The following ZER1 variants were observed in gnomAD, a reference collection of about 807,000 sequenced individuals.
The protein encoded by ZER1 is protein zer-1 homolog.
In ZER1, 11 loss-of-function variants were observed where a neutral mutation model predicts 78.8. The ratio of observed to expected loss-of-function variants is 0.14; its 90% CI spans 0.09 to 0.23. The LOEUF (loss-of-function observed/expected upper bound fraction) is 0.23, where lower values mean the gene tolerates loss of function less well. Ranked by LOEUF, ZER1 falls within the 10% of genes least tolerant of loss-of-function variation. The probability of loss-of-function intolerance (pLI) is 1.00; values close to 1 mark genes in which losing one functional copy is unlikely to be tolerated. For synonymous variants in ZER1, 400 were observed against 407.0 expected (o/e 0.98, Z 0.21); for missense variants, 588 against 996.9 (o/e 0.59, Z 5.52).
rs1158076549 is a variant in ZER1, at chr9:128,751,110, C to T, written c.1185+12G>A. On this transcript the variant is annotated intron_variant, in intron 7 of 15. Transcript: ENST00000291900. This position sits in a 1 kb window ranked among gnomAD's most constrained non-coding sequence, Gnocchi z 5.4. ...AGGGACAGGAGGCCAAGGCCCCAGG[C>T]TTGGAGCTGACCTTCAGGGCCCGCA... 19 of 1,579,812 alleles carry T rather than the reference C, an allele frequency of 1.2e-5. No homozygotes were observed. The highest frequency in any genetic ancestry group is 1.6e-5 in the Non-Finnish European group (19 of 1,158,386).
In ZER1 at chr9:128,732,375, AT is replaced by A. The variant is rs1482881927; in HGVS notation, c.2244-982del. ...GTGGGCCCCGTCCATTTATTTTTAA[AT>A]TTTATTTTTTTGAGACAGAGTCTCG... On this transcript the variant is annotated intron_variant, in intron 15 of 15. Coordinates refer to ENST00000291900, the MANE Select transcript of ZER1 (RefSeq NM_006336.4). The surrounding 1 kb of genome is among the most constrained non-coding windows in gnomAD (Gnocchi z 4.8). Among the ~76,000 whole-genome samples the A allele has an allele frequency of 3.9e-5, 6 of 152,196 alleles. No homozygotes were observed. The highest frequency in any genetic ancestry group is 2.1e-4 in the South Asian group (1 of 4,826).
chr9:128,733,192 A>G (rs1270509233), intron 15 of ZER1: 2 of 478,922 alleles, frequency 4.2e-6, no homozygotes, highest in Non-Finnish European at 7.6e-6. Flanking sequence ...CTAAGCTTAC[A>G]AACGAGGGCC....
In ZER1 at chr9:128,740,950, G is replaced by A. The variant is rs1863270174; in HGVS notation, c.1738-63C>T. ...ACTTAATGACTTAGTATCTGGTATT[G>A]TTAACCAAAAAGCTTCATGGGCATC... is the stretch of plus-strand genomic sequence containing the variant. On this transcript the variant is annotated intron_variant, in intron 11 of 15. Coordinates refer to ENST00000291900, the MANE Select transcript of ZER1 (RefSeq NM_006336.4). This position sits in a 1 kb window ranked among gnomAD's most constrained non-coding sequence, Gnocchi z 4.4. The A allele has an allele frequency of 1.3e-6, 1 of 757,850 alleles. No homozygotes were observed. The highest frequency in any genetic ancestry group is 1.4e-5 in the South Asian group (1 of 72,792). The allele number at this position is 757,850 out of a possible 1,614,324, so 46.9% of individuals were successfully genotyped here.
Position 128,751,057 on chromosome 9 carries a change from A to G in ZER1, c.1185+65T>C. The stretch of plus-strand genomic sequence containing the variant: ...GACACAGGCTCTGGGGACACGGCTC[A>G]GCCAAGCCCGGCAACCTCCAGGTGG... On this transcript the variant is annotated intron_variant, in intron 7 of 15. Transcript: ENST00000291900. The surrounding 1 kb of genome is among the most constrained non-coding windows in gnomAD (Gnocchi z 5.4). 6.6e-7 allele frequency: 1 copy of G among 1,526,100 alleles called. No homozygotes were observed. Among genetic ancestry groups the G allele is most frequent in the Non-Finnish European group, 8.8e-7 (1 of 1,135,556 alleles). 94.5% of individuals were successfully genotyped at this position (1,526,100 alleles called of 1,614,324 possible).
Position 128,755,812 on chromosome 9 carries a change from C to A in ZER1, c.-94-153G>T, listed in dbSNP as rs932760848. Reference sequence around the variant, plus strand: ...AGGTCTCCTGACTCCTTCTTTCACCCGCCTCTGCTGTGCCACTATCTATGC... The same window carrying A: ...AGGTCTCCTGACTCCTTCTTTCACCAGCCTCTGCTGTGCCACTATCTATGC... On this transcript the variant is annotated intron_variant, in intron 1 of 15. Transcript: ENST00000291900. The surrounding 1 kb of genome is among the most constrained non-coding windows in gnomAD (Gnocchi z 5.6). Among the ~76,000 whole-genome samples the A allele has an allele frequency of 3.3e-5, 5 of 152,246 alleles. No individual in the cohort carries two copies. Among genetic ancestry groups the A allele is most frequent in the Non-Finnish European group, 7.3e-5 (5 of 68,042 alleles).
At chr9:128,731,488 G>T in intron 15 of ZER1, 94 bp from the exon 16 acceptor site, 1 of 1,027,508 alleles carries the variant, frequency 9.7e-7, no homozygotes. Flanking sequence ...GTAAACACGT[G>T]TTCATAGTGA....
At chr9:128,733,834 A>G (rs1405488958) in intron 14 of ZER1, among the ~76,000 whole-genome samples, 1 of 144,846 alleles carries the variant, frequency 6.9e-6, no homozygotes, top group Non-Finnish European at 1.5e-5. Context: ...TAATCTTAAA[A>G]TATATATATA....
intron 14 of ZER1, 85 bp downstream of exon 14, chr9:128,735,248 GC>G (rs2132389564): frequency 1.6e-6 from 2 of 1,223,276 alleles, no homozygotes; most frequent in South Asian, 1.5e-5. Flanking sequence ...AGCAATTAAT[GC>G]CCCCCTCCTG....
chr9:128,761,345 G>A (rs1864039157), intron 1 of ZER1, among the ~76,000 whole-genome samples: 1 of 151,436 alleles, frequency 6.6e-6, no homozygotes, highest in African/African-American at 2.4e-5. Context: ...GGAGTGCAGC[G>A]GCACCATCTC....
rs757182251 is a variant in ZER1 at position 128,733,458 on chromosome 9, C to T, written c.2211G>A (p.Ala737=). Residue 737 remains alanine, a synonymous_variant, in exon 15 of 16, where the codon GCG becomes GCA. Coordinates refer to ENST00000291900, the MANE Select transcript of ZER1 (RefSeq NM_006336.4). ...MPLLRDIIKM[A]TARQETKEMA... is the part of the protein sequence containing the mutation. ...TTTCCTTGGTCTCCTGCCGTGCGGT[C>T]GCCATCTTAATTATGTCCCTCAGAA... 9.9e-6 allele frequency: 16 copies of T among 1,613,770 alleles called. No homozygotes were observed. The highest frequency in any genetic ancestry group is 9.3e-5 in the African/African-American group (7 of 74,890).
chr9:128,739,040 C>T (rs747528701), intron 13 of ZER1, among the ~76,000 whole-genome samples: 21 of 150,826 alleles, frequency 1.4e-4, no homozygotes, highest in Non-Finnish European at 2.5e-4. Flanking sequence ...TTAGTAGGGA[C>T]GGGGTTTCAC....
rs1022335582 is a variant in ZER1, at chr9:128,740,302, G to T, written c.1854-183C>A. Among the ~76,000 whole-genome samples, 2 of 152,132 alleles carry T rather than the reference G, an allele frequency of 1.3e-5. No individual in the cohort carries two copies. The highest frequency in any genetic ancestry group is 3.8e-4 in the East Asian group (2 of 5,196). Reference sequence around the variant, plus strand: ...GTCATTTAAGATATAATTACAGGCTGGGCGCAGTGGCTCACGCCTGTAATC... The same window carrying T: ...GTCATTTAAGATATAATTACAGGCTTGGCGCAGTGGCTCACGCCTGTAATC... On this transcript the variant is annotated intron_variant, in intron 12 of 15. Coordinates refer to ENST00000291900, the MANE Select transcript of ZER1 (RefSeq NM_006336.4). The surrounding 1 kb of genome is among the most constrained non-coding windows in gnomAD (Gnocchi z 4.4).
intron 8 of ZER1, among the ~76,000 whole-genome samples, chr9:128,750,073 G>A (rs1174197847): frequency 1.3e-5 from 2 of 152,088 alleles, no homozygotes; most frequent in African/African-American, 4.8e-5. Flanking sequence ...GGCGGATAAG[G>A]GAGATGTTCA....
intron 13 of ZER1, among the ~76,000 whole-genome samples, chr9:128,736,341 C>T (rs552692953): frequency 6.6e-6 from 1 of 152,164 alleles, no homozygotes; most frequent in South Asian, 2.1e-4. Flanking sequence ...CTGCCTTGGC[C>T]TCCCAAAGTG....
In ZER1 at chr9:128,751,261, C is replaced by A; in HGVS notation, c.1046G>T (p.Gly349Val). ...CAGCACCTGCTCTTCGTTTTTGTCA[C>A]CACTTACCTGCGGGTGGGACACGCT... ...LTHIPAYKVS[G>V]DKNEEQVLNA... Residue 349 changes from glycine to valine, a missense_variant, in exon 7 of 16, where the codon GGT (glycine) becomes GTT (valine). Physicochemically the swap from Gly to Val is moderately radical, Grantham distance 109 (BLOSUM62 -3). This residue lies in a region of ZER1 where 406 missense variants were observed against 660.1 expected (regional missense o/e 0.62). Transcript: ENST00000291900. The surrounding 1 kb of genome is among the most constrained non-coding windows in gnomAD (Gnocchi z 5.4). The A allele has an allele frequency of 6.3e-7, 1 of 1,597,874 alleles. No homozygotes were observed. The highest frequency in any genetic ancestry group is 8.6e-7 in the Non-Finnish European group (1 of 1,166,808).
rs1385704605 is a variant in ZER1 at position 128,730,121 on chromosome 9, C to T, written c.*1216G>A. 6.6e-6 allele frequency: 1 copy of T among 152,660 alleles called. No individual in the cohort carries two copies. Among genetic ancestry groups the T allele is most frequent in the African/African-American group, 2.4e-5 (1 of 41,466 alleles). The allele number at this position is 152,660 out of a possible 1,614,324, so 9.5% of individuals were successfully genotyped here. ...GGAGGAAAAGGGAAGAAAAAGCCAT[C>T]ACCCAAAGGCTGCCTCCAGGGTTAG... On this transcript the variant is annotated 3_prime_UTR_variant, in exon 16 of 16. Transcript: ENST00000291900.
intron 14 of ZER1, among the ~76,000 whole-genome samples, chr9:128,734,204 A>ATT (rs1183189767): frequency 9.8e-6 from 1 of 101,834 alleles, no homozygotes; most frequent in Non-Finnish European, 2.1e-5. Context: ...AATAGATATA[A>ATT]TTTTTTTTTT....
chr9:128,738,955 G>A lies in ZER1; in HGVS notation c.2042+976C>T, dbSNP rs539416910. 5.2e-4 allele frequency among the ~76,000 whole-genome samples: 76 copies of A among 147,280 alleles called. 3 individuals carry two copies. The South Asian group carries it at 0.016, about 30-fold the overall frequency. On this transcript the variant is annotated intron_variant, in intron 13 of 15. Transcript: ENST00000291900. ...CAACCTCTGCCTCCTGGGTTCAAGC[G>A]ATTCTCCTGCCTCAGCCTCCTGAGT... is the stretch of plus-strand genomic sequence containing the variant.
chr9:128,751,827 AC>A lies in ZER1; in HGVS notation c.924-301del, dbSNP rs1863688426. Among the ~76,000 whole-genome samples, 1 of 152,220 alleles carries A rather than the reference AC, an allele frequency of 6.6e-6. No individual in the cohort carries two copies. The highest frequency in any genetic ancestry group is 2.1e-4 in the South Asian group (1 of 4,832). On this transcript the variant is annotated intron_variant, in intron 5 of 15. Coordinates refer to ENST00000291900, the MANE Select transcript of ZER1 (RefSeq NM_006336.4). This position sits in a 1 kb window ranked among gnomAD's most constrained non-coding sequence, Gnocchi z 5.4. Reference sequence around the variant, plus strand: ...CAACAATCACAAAGGGACAAGCTCAACTGAACACCATTAAAGCAGGCTGGGG... The same window carrying A: ...CAACAATCACAAAGGGACAAGCTCAATGAACACCATTAAAGCAGGCTGGGG...
Sources: allele counts gnomAD v4.1 joint callset (sites outside exome capture counted in the v4.1 genomes callset), GRCh38; gene constraint gnomAD v4.1.1; regional missense constraint gnomAD v4.1.1; non-coding constraint Gnocchi (gnomAD v3.1); transcripts MANE v1.5; gene names NCBI Gene and HGNC (gene_info 2026-07-23, HGNC 2026-07-21).